Variants in PRIM2 observed in about 807,000 individuals in gnomAD.
PRIM2 encodes the protein DNA primase large subunit.
A neutral mutation model predicts 67.3 loss-of-function variants in PRIM2; 39 were observed. That is an observed-to-expected ratio of 0.58 (90% CI 0.45 to 0.76). The LOEUF is 0.76. Ranked by LOEUF, PRIM2 falls within the 30% of genes least tolerant of loss-of-function variation. The pLI is 0.00. For missense variants in PRIM2, 398 were observed against 598.7 expected, an observed-to-expected ratio of 0.66 and a Z score of 3.50; for synonymous variants, 143 against 198.7, an observed-to-expected ratio of 0.72 and a Z score of 2.36.
chr6:57,386,736 C>G (rs1770167647), intron 7 of PRIM2, among the ~76,000 whole-genome samples: 1 of 151,068 alleles, frequency 6.6e-6, no homozygotes, highest in Admixed American at 6.6e-5. Flanking sequence ...TTGCTATGGT[C>G]TCTTTATTAC....
chr6:57,320,336 A>C lies in PRIM2; in HGVS notation c.155-121A>C, dbSNP rs1175469046. Reference sequence around the variant, plus strand: ...TTATATGATGTCGTTACAGGAAATAAACTGGCAATTACCTGTCATGTTCTG... The same window carrying C: ...TTATATGATGTCGTTACAGGAAATACACTGGCAATTACCTGTCATGTTCTG... On this transcript the variant is annotated intron_variant, in intron 2 of 13. Transcript: ENST00000615550. 6.5e-6 allele frequency: 4 copies of C among 614,362 alleles called. No homozygotes were observed. In the African/African-American group the frequency reaches 7.4e-5, roughly 11 times the overall value. 38.1% of individuals were successfully genotyped at this position (614,362 alleles called of 1,614,324 possible).
chr6:57,623,632 TCTAA>T (rs1300307015), intron 12 of PRIM2, among the ~76,000 whole-genome samples: 3 of 152,176 alleles, frequency 2.0e-5, no homozygotes, highest in Non-Finnish European at 4.4e-5. Flanking sequence ...ATAAAACTAT[TCTAA>T]CTTAGTTCTA....
chr6:57,282,182 T>C, the PRIM2 span, among the ~76,000 whole-genome samples: 2 of 152,238 alleles, frequency 1.3e-5, no homozygotes, highest in East Asian at 3.8e-4. Flanking sequence ...ATTTGCATAG[T>C]TGTGTCTGTG....
chr6:57,361,992 G>T (rs1769215639), intron 5 of PRIM2, among the ~76,000 whole-genome samples: 1 of 152,078 alleles, frequency 6.6e-6, no homozygotes, highest in African/African-American at 2.4e-5. Context: ...AGATAAGGCA[G>T]AAAGGAGGTA....
chr6:57,606,224 G>A (rs1776558889), intron 11 of PRIM2, among the ~76,000 whole-genome samples, 151 bp from the exon 12 acceptor site: 2 of 152,316 alleles, frequency 1.3e-5, no homozygotes, highest in East Asian at 3.9e-4. Flanking sequence ...GATAAAAAGA[G>A]GAAAGCAGTT....
At chr6:57,585,980 T>C (rs1257607633) in intron 10 of PRIM2, among the ~76,000 whole-genome samples, 1 of 152,194 alleles carries the variant, frequency 6.6e-6, no homozygotes, top group Non-Finnish European at 1.5e-5. Flanking sequence ...CTGTTCTTTC[T>C]ATCTAAGTCA....
rs1467377736 is a variant in PRIM2 at position 57,625,752 on chromosome 6, A to G, written c.1231-6381A>G. On this transcript the variant is annotated intron_variant, in intron 12 of 13. Transcript: ENST00000615550. The stretch of plus-strand genomic sequence containing the variant: ...TCAGATAACTTTGTTTATAGATAAT[A>G]AAGAGTCAGAAAAATTCTTGACATA... Among the ~76,000 whole-genome samples, 9 of 152,374 alleles carry G rather than the reference A, an allele frequency of 5.9e-5. No individual in the cohort carries two copies. The South Asian group carries it at 1.2e-3, about 21-fold the overall frequency.
intron 13 of PRIM2, among the ~76,000 whole-genome samples, chr6:57,642,306 C>T (rs1441297951): frequency 6.6e-6 from 1 of 152,118 alleles, no homozygotes; most frequent in East Asian, 1.9e-4. Context: ...CAGCAAACCA[C>T]CATGGCATGT....
At chr6:57,545,464 C>T (rs1259721838) in intron 10 of PRIM2, among the ~76,000 whole-genome samples, 1 of 152,082 alleles carries the variant, frequency 6.6e-6, no homozygotes, top group Non-Finnish European at 1.5e-5. Flanking sequence ...GAGTTTCGCT[C>T]TTGTTGCCCA....
chr6:57,387,336 C>T (rs1770186379), intron 7 of PRIM2, among the ~76,000 whole-genome samples: 2 of 152,154 alleles, frequency 1.3e-5, no homozygotes, highest in South Asian at 4.2e-4. Context: ...CTTTTGTTCA[C>T]AGTTTACTGT....
upstream of PRIM2, among the ~76,000 whole-genome samples, chr6:57,310,935 C>T (rs1403201627): frequency 8.9e-4 from 115 of 129,926 alleles, 1 homozygote; most frequent in African/African-American, 3.2e-3. Flanking sequence ...GCCTCCCAAA[C>T]GGGGAGGGGC....
chr6:57,522,557 C>T (rs1774647628), intron 8 of PRIM2, among the ~76,000 whole-genome samples: 6 of 151,878 alleles, frequency 4.0e-5, no homozygotes, highest in Admixed American at 3.3e-4. Flanking sequence ...TGCTCTTTTG[C>T]CCAGGCTCAG....
At chr6:57,382,389 AC>A (rs2127338344) in intron 7 of PRIM2, 1 of 396,596 alleles carries the variant, frequency 2.5e-6, no homozygotes, top group Non-Finnish European at 4.4e-6. Flanking sequence ...TCCTACTAAT[AC>A]CAATGCTGAG....
Position 57,408,332 on chromosome 6 carries a change from C to A in PRIM2, c.693+26164C>A, listed in dbSNP as rs538034573. 1.1e-3 allele frequency among the ~76,000 whole-genome samples: 172 copies of A among 152,226 alleles called. 3 individuals are homozygous for A. In the East Asian group the frequency reaches 0.032, roughly 28 times the overall value. ...GCTCCAAAGCTGAGAGAAGAGACCCCCAGTGTGGTGGAAACCTGCCAGGTA... is the reference window on the plus strand; with the variant it reads ...GCTCCAAAGCTGAGAGAAGAGACCCACAGTGTGGTGGAAACCTGCCAGGTA... On this transcript the variant is annotated intron_variant, in intron 7 of 13. Coordinates refer to ENST00000615550, the MANE Select transcript of PRIM2 (RefSeq NM_000947.5).
intron 2 of PRIM2, 50 bp downstream of exon 2, chr6:57,318,649 C>T: frequency 1.4e-6 from 2 of 1,402,108 alleles, no homozygotes; most frequent in Non-Finnish European, 2.0e-6. Context: ...AGCTCACTTA[C>T]CCTTTGTGAG....
Position 57,500,465 on chromosome 6 carries a change from A to C in PRIM2, c.694-6922A>C, listed in dbSNP as rs1233770572. ...AAAAGGGTCAGAGTCTAGTTGAAAG[A>C]AGGTTTACTCAAGCAAAAAGTTTGG... is the stretch of plus-strand genomic sequence containing the variant. On this transcript the variant is annotated intron_variant, in intron 7 of 13. Transcript: ENST00000615550. Among the ~76,000 whole-genome samples the C allele has an allele frequency of 7.3e-3, 1,106 of 152,332 alleles. 14 individuals carry two copies. The highest frequency in any genetic ancestry group is 0.025 in the African/African-American group (1,053 of 41,562).
chr6:57,545,163 T>G (rs1471349514), intron 10 of PRIM2, among the ~76,000 whole-genome samples: 6 of 152,084 alleles, frequency 3.9e-5, no homozygotes, highest in Non-Finnish European at 7.4e-5. Flanking sequence ...TCCATGTATT[T>G]TTCTAAATCA....
intron 5 of PRIM2, among the ~76,000 whole-genome samples, chr6:57,345,506 G>GACA (rs1768646162): frequency 0.011 from 1,371 of 122,290 alleles, 30 homozygotes; most frequent in African/African-American, 0.043. Context: ...GTGTGTGTGT[G>GACA]TACATACATA....
chr6:57,343,614 G>A (rs946339539), intron 5 of PRIM2, among the ~76,000 whole-genome samples: 5 of 151,938 alleles, frequency 3.3e-5, no homozygotes, highest in East Asian at 1.9e-4. Flanking sequence ...CTGGCAAGCC[G>A]TTGACTATGA....
Sources: gnomAD v4.1 joint callset for allele counts (sites outside exome capture counted in the v4.1 genomes callset) on GRCh38, gnomAD v4.1.1 for gene constraint, MANE v1.5 for transcripts, NCBI Gene and HGNC (gene_info 2026-07-23, HGNC 2026-07-21) for gene names.